AP2A1: variants seen among roughly 807,000 people sequenced by gnomAD.
The protein encoded by AP2A1 is adaptor related protein complex 2 subunit alpha 1.
In AP2A1, 21 loss-of-function variants were observed where a neutral mutation model predicts 107.3. That is an observed-to-expected ratio of 0.20 (90% CI 0.14 to 0.28). The LOEUF is 0.28. AP2A1 is among the 10% of genes least tolerant of loss of function. AP2A1 has a pLI of 1.00. For missense variants in AP2A1, 873 were observed against 1,307.7 expected (o/e 0.67, Z 5.13); for synonymous variants, 602 against 564.8 (o/e 1.07, Z -0.93).
chr19:49,801,375 C>G lies in AP2A1; in HGVS notation c.1554-15C>G. The stretch of plus-strand genomic sequence containing the variant: ...AGTGGAACCTGGCCCCGCTGACACC[C>G]ACTCCTGCACACAGCCCCCCAGTGC... On this transcript the variant is annotated splice_polypyrimidine_tract_variant and intron_variant, in intron 12 of 22. Coordinates refer to ENST00000354293, the MANE Select transcript of AP2A1 (RefSeq NM_130787.3). 6.2e-7 allele frequency: 1 copy of G among 1,608,154 alleles called. No individual in the cohort carries two copies. Among genetic ancestry groups the G allele is most frequent in the Non-Finnish European group, 8.5e-7 (1 of 1,176,204 alleles).
At chr19:49,799,576 C>G (rs138602676) in intron 9 of AP2A1, 53 bp from the exon 10 acceptor site, 1,296 of 1,599,948 alleles carry the variant, frequency 8.1e-4, no homozygotes, top group East Asian at 3.2e-3. Context: ...GGTGGCCAAC[C>G]CTGTGCCAAC....
At chr19:49,782,415 GC>G (rs2084688424) in intron 3 of AP2A1, 115 bp from the exon 4 acceptor site, 1 of 1,175,038 alleles carries the variant, frequency 8.5e-7, no homozygotes, top group Non-Finnish European at 1.2e-6. Flanking sequence ...GGGCCTGGGG[GC>G]CTGGACTCCT....
At chr19:49,792,970 G>A (rs1413563473) in intron 5 of AP2A1, 21 bp from the exon 6 acceptor site, 4 of 1,577,278 alleles carry the variant, frequency 2.5e-6, no homozygotes, top group Non-Finnish European at 2.6e-6. Flanking sequence ...GGCCTGACTT[G>A]TCTCTCCTCT....
At chr19:49,770,239 A>G in intron 1 of AP2A1, among the ~76,000 whole-genome samples, 1 of 152,110 alleles carries the variant, frequency 6.6e-6, no homozygotes. Context: ...GGGGAAGGAA[A>G]GAGATCGTCC....
At chr19:49,771,727 A>T (rs1179664397) in intron 1 of AP2A1, among the ~76,000 whole-genome samples, 1 of 151,696 alleles carries the variant, frequency 6.6e-6, no homozygotes, top group East Asian at 1.9e-4. Flanking sequence ...ATTTTTTTTT[A>T]AATGGGGAAA....
chr19:49,803,421 C>T (rs767572807), intron 18 of AP2A1, 45 bp downstream of exon 18: 8 of 1,548,814 alleles, frequency 5.2e-6, no homozygotes, highest in South Asian at 3.3e-5. Context: ...TCCACGTCGG[C>T]CTTCCTCACC....
intron 4 of AP2A1, among the ~76,000 whole-genome samples, chr19:49,789,937 G>A (rs1426886163): frequency 2.0e-5 from 3 of 152,158 alleles, no homozygotes; most frequent in Non-Finnish European, 4.4e-5. Context: ...GCTGTGCTAG[G>A]AGCTGGGTTA....
At chr19:49,801,186 C>A (rs2073274551) in intron 12 of AP2A1, 128 bp downstream of exon 12, 4 of 1,015,800 alleles carry the variant, frequency 3.9e-6, no homozygotes, top group Non-Finnish European at 2.8e-6. Flanking sequence ...CCCCAATCCA[C>A]CTAGCAGGGT....
intron 5 of AP2A1, among the ~76,000 whole-genome samples, chr19:49,792,730 C>T (rs926660746): frequency 2.6e-5 from 4 of 152,268 alleles, no homozygotes; most frequent in African/African-American, 7.2e-5. Context: ...TCTAGAGTCT[C>T]GCCCCTTCAC....
rs2073166753 is a variant in AP2A1 at position 49,793,065 on chromosome 19, C to T, written c.678C>T (p.Val226=). 6.2e-7 allele frequency: 1 copy of T among 1,609,754 alleles called. No homozygotes were observed. Among genetic ancestry groups the T allele is most frequent in the Non-Finnish European group, 8.5e-7 (1 of 1,178,092 alleles). Residue 226 remains valine (V), a synonymous_variant, in exon 6 of 23, where the codon GTC becomes GTT. Coordinates refer to ENST00000354293, the MANE Select transcript of AP2A1 (RefSeq NM_130787.3). ...ACCCAGATGACTTCAAGACGTGCGT[C>T]TCTCTGGCTGTGTCGCGCCTGAGCC... is the stretch of plus-strand genomic sequence containing the variant. ...KKNPDDFKTC[V]SLAVSRLSRI... is the part of the protein sequence containing the mutation.
At chr19:49,782,134 GC>G in intron 3 of AP2A1, 45 bp downstream of exon 3, 1 of 1,466,436 alleles carries the variant, frequency 6.8e-7, no homozygotes. Context: ...TCCTGGGTCT[GC>G]GGGGGAGGGG....
rs563333056 is a variant in AP2A1, at chr19:49,802,513, C to T, written c.2114+372C>T. The T allele has an allele frequency of 8.2e-5, 132 of 1,604,704 alleles. 2 individuals are homozygous for T. In the South Asian group the frequency reaches 9.6e-4, roughly 12 times the overall value. ...TGCCACGCCTGTCTTCTCTTGTCTG[C>T]TCTGGGATTGGATGGCTCAGCGAGC... On this transcript the variant is annotated intron_variant, in intron 15 of 22. Coordinates refer to ENST00000354293, the MANE Select transcript of AP2A1 (RefSeq NM_130787.3).
intron 6 of AP2A1, 40 bp from the exon 7 acceptor site, chr19:49,795,590 C>CCCCCCCCCCCCCA: frequency 1.3e-6 from 1 of 755,898 alleles, no homozygotes; most frequent in Non-Finnish European, 2.3e-6. Flanking sequence ...GTGCCCCTCC[C>CCCCCCCCCCCCCA]ACCCCAGCCC....
chr19:49,772,694 G>T (rs1338099515), intron 1 of AP2A1, among the ~76,000 whole-genome samples: 1 of 150,852 alleles, frequency 6.6e-6, no homozygotes, highest in Admixed American at 6.6e-5. Flanking sequence ...TAGAGATGGG[G>T]TTTCACTGTG....
In AP2A1 at chr19:49,801,808, C is replaced by A. The variant is rs761321561; in HGVS notation, c.1872C>A (p.Ala624=). The A allele has an allele frequency of 3.2e-6, 5 of 1,552,410 alleles. No homozygotes were observed. Among genetic ancestry groups the A allele is most frequent in the Non-Finnish European group, 3.5e-6 (4 of 1,153,098 alleles). The change falls in exon 14 of 23, where the codon GCC becomes GCA. Residue 624 remains alanine, a synonymous_variant. Coordinates refer to ENST00000354293, the MANE Select transcript of AP2A1 (RefSeq NM_130787.3). The part of the protein sequence containing the change: ...AKLKRKKGPG[A]GSALDDGRRD... ...TGAAACGCAAGAAGGGGCCAGGGGC[C>A]GGCAGCGCCCTGGACGATGGCCGGA...
chr19:49,793,802 T>TAGAATAC (rs1240383925), intron 6 of AP2A1, among the ~76,000 whole-genome samples: 1 of 151,462 alleles, frequency 6.6e-6, no homozygotes, highest in Admixed American at 6.6e-5. Flanking sequence ...AATTGAGACT[T>TAGAATAC]AGAATACACA....
intron 4 of AP2A1, among the ~76,000 whole-genome samples, chr19:49,786,907 G>T (rs886203388): frequency 4.6e-5 from 7 of 152,210 alleles, no homozygotes; most frequent in Non-Finnish European, 8.8e-5. Context: ...AGGGGCCAGG[G>T]TGGGGCTGTC....
At chr19:49,773,857 G>A (rs1568573669) in intron 1 of AP2A1, among the ~76,000 whole-genome samples, 1 of 152,228 alleles carries the variant, frequency 6.6e-6, no homozygotes, top group South Asian at 2.1e-4. Flanking sequence ...CCCTGAGGCA[G>A]GATTGTGCTT....
Position 49,800,985 on chromosome 19 carries a change from G to T in AP2A1, c.1480G>T (p.Glu494Ter). 1 of 1,604,548 alleles carries T rather than the reference G, an allele frequency of 6.2e-7. No homozygotes were observed. The change falls in exon 12 of 23, where the codon GAG becomes TAG. Residue 494 changes from glutamate (E) to a stop codon, truncating the protein, a stop_gained. Transcript: ENST00000354293. LOFTEE classifies it high-confidence loss of function. ...GGCGCTCCAGGCCCCTGCCTGTCAC[G>T]AGAACATGGTGAAGGTTGGCGGCTA... The part of the protein sequence containing the change: ...FEALQAPACH[E>*]NMVKVGGYIL...
Sources: allele counts gnomAD v4.1 joint callset (sites outside exome capture counted in the v4.1 genomes callset), GRCh38; gene constraint gnomAD v4.1.1; transcripts MANE v1.5; gene names NCBI Gene and HGNC (gene_info 2026-07-23, HGNC 2026-07-21).